Variants in AKAP6 observed in about 807,000 individuals in gnomAD.
AKAP6 encodes A-kinase anchor protein 6.
Under a neutral mutation model 188.5 loss-of-function variants are expected in AKAP6, and 58 were observed. That is an observed-to-expected ratio of 0.31 (90% confidence interval 0.25 to 0.38). The LOEUF is 0.38. Ranked by LOEUF, AKAP6 falls within the 10% of genes least tolerant of loss-of-function variation. AKAP6 has a pLI of 1.00. For missense variants in AKAP6, 2,710 were observed against 2,740.0 expected (o/e 0.99, Z 0.24); for synonymous variants, 989 against 998.6 (o/e 0.99, Z 0.18).
chr14:32,630,065 C>G lies in AKAP6; in HGVS notation c.2730+29273C>G, dbSNP rs148883409. ...TCTGTGTGGGATCTGGAAATGTATTCTGGTGTGTGAATTTTTCTTCTCCAG... is the reference window on the plus strand; with the variant it reads ...TCTGTGTGGGATCTGGAAATGTATTGTGGTGTGTGAATTTTTCTTCTCCAG... On this transcript the variant is annotated intron_variant, in intron 7 of 13. Transcript: ENST00000280979. Among the ~76,000 whole-genome samples, 86 of 152,202 alleles carry G rather than the reference C, an allele frequency of 5.7e-4. 1 individual carries two copies. The highest frequency in any genetic ancestry group is 2.3e-3 in the South Asian group (11 of 4,828).
At chr14:32,570,872 C>G (rs1419758321) in intron 4 of AKAP6, among the ~76,000 whole-genome samples, 1 of 152,168 alleles carries the variant, frequency 6.6e-6, no homozygotes, top group Admixed American at 6.6e-5. Flanking sequence ...TCTTCTGATT[C>G]CTGCAAGTGT....
At chr14:32,645,547 G>T (rs1397553104) in intron 7 of AKAP6, among the ~76,000 whole-genome samples, 1 of 152,148 alleles carries the variant, frequency 6.6e-6, no homozygotes, top group Non-Finnish European at 1.5e-5. Flanking sequence ...CTGCTGAGTA[G>T]CTGGGACTAC....
intron 1 of AKAP6, among the ~76,000 whole-genome samples, chr14:32,343,746 C>CAAAAAAAAAAAAAAAAA (rs56376110): frequency 8.1e-5 from 3 of 37,266 alleles, no homozygotes; most frequent in African/African-American, 1.9e-4. Context: ...GATTCCGTCT[C>CAAAAAAAAAAAAAAAAA]AAAAAAAAAA....
At chr14:32,797,623 G>A (rs1482823646) in intron 12 of AKAP6, among the ~76,000 whole-genome samples, 1 of 125,358 alleles carries the variant, frequency 8.0e-6, no homozygotes, top group Admixed American at 7.7e-5. Flanking sequence ...GCCTTTCAGA[G>A]GGCAGTGAGA....
chr14:32,815,631 C>G (rs2034357859), intron 12 of AKAP6, among the ~76,000 whole-genome samples: 3 of 152,126 alleles, frequency 2.0e-5, no homozygotes, highest in African/African-American at 7.2e-5. Flanking sequence ...CTTTCTTTGA[C>G]TCTTTGGTCG....
chr14:32,675,740 G>A (rs1275596012), intron 7 of AKAP6, among the ~76,000 whole-genome samples: 1 of 152,194 alleles, frequency 6.6e-6, no homozygotes, highest in Non-Finnish European at 1.5e-5. Flanking sequence ...ATGCTTGTGA[G>A]ATATTATGCA....
chr14:32,545,448 T>A lies in AKAP6; in HGVS notation c.795T>A (p.Phe265Leu). Residue 265 changes from phenylalanine to leucine, a missense_variant, in exon 4 of 14, where the codon TTT becomes TTA. Around this residue, in one of 2 missense-constraint regions of AKAP6, gnomAD observed 2,473 missense variants for 2,426.1 expected, o/e 1.02. Transcript: ENST00000280979. ...GCTACAGTGAGATGGAAAAGGAGTTTCCTGAGCTTATCCGAAGTGTTGGTT... is the reference window on the plus strand; with the variant it reads ...GCTACAGTGAGATGGAAAAGGAGTTACCTGAGCTTATCCGAAGTGTTGGTT... The part of the protein sequence containing the change: ...SWSYSEMEKE[F>L]PELIRSVGLL... 6.2e-7 allele frequency: 1 copy of A among 1,614,214 alleles called. No homozygotes were observed.
chr14:32,489,709 T>G (rs2138938979), intron 2 of AKAP6, among the ~76,000 whole-genome samples: 1 of 152,370 alleles, frequency 6.6e-6, no homozygotes, highest in Middle Eastern at 3.4e-3. Context: ...ATATACTTTT[T>G]GACTTAGTGA....
intron 1 of AKAP6, among the ~76,000 whole-genome samples, chr14:32,334,957 G>T (rs758887052): frequency 6.6e-6 from 1 of 152,092 alleles, no homozygotes; most frequent in Non-Finnish European, 1.5e-5. Flanking sequence ...TTTATTTTCA[G>T]ATTTTTTTTT....
chr14:32,647,258 T>A (rs2139515472), intron 7 of AKAP6, among the ~76,000 whole-genome samples: 1 of 152,270 alleles, frequency 6.6e-6, no homozygotes. Context: ...TGTGCAAATT[T>A]GAACCTCTGA....
At chr14:32,745,667 C>T (rs1454478302) in intron 11 of AKAP6, among the ~76,000 whole-genome samples, 1 of 152,146 alleles carries the variant, frequency 6.6e-6, no homozygotes, top group Non-Finnish European at 1.5e-5. Context: ...CAAACACTCC[C>T]TGGCTACTGC....
At chr14:32,334,018 T>G (rs1170884046) in intron 1 of AKAP6, among the ~76,000 whole-genome samples, 1 of 152,170 alleles carries the variant, frequency 6.6e-6, no homozygotes, top group Non-Finnish European at 1.5e-5. Flanking sequence ...ATCGCCCTAG[T>G]GTGCCTTACA....
At chr14:32,653,751 TA>T (rs1359888191) in intron 7 of AKAP6, among the ~76,000 whole-genome samples, 1 of 152,212 alleles carries the variant, frequency 6.6e-6, no homozygotes, top group Admixed American at 6.5e-5. Context: ...AAGTATTAAG[TA>T]ATAAGTTTGT....
chr14:32,406,556 G>T (rs78512703), intron 1 of AKAP6, among the ~76,000 whole-genome samples: 6,063 of 152,148 alleles, frequency 0.04, 186 homozygotes, highest in East Asian at 0.099. Context: ...AGAATTGGAG[G>T]CTTATATGTT....
chr14:32,734,582 A>G (rs1480776905), intron 10 of AKAP6: 2 of 152,152 alleles, frequency 1.3e-5, no homozygotes, highest in Non-Finnish European at 2.9e-5. Flanking sequence ...CCAGAACAAA[A>G]AAGTGGCAAT....
intron 7 of AKAP6, among the ~76,000 whole-genome samples, chr14:32,634,880 CT>C (rs563981061): frequency 1.3e-4 from 20 of 150,714 alleles, no homozygotes; most frequent in Admixed American, 3.3e-4. Context: ...GTTTTCTTTT[CT>C]TTTTTTTTAA....
At chr14:32,348,571 C>T (rs181541526) in intron 1 of AKAP6, among the ~76,000 whole-genome samples, 4 of 152,000 alleles carry the variant, frequency 2.6e-5, no homozygotes, top group Non-Finnish European at 2.9e-5. Flanking sequence ...TGCTCCACCA[C>T]GCATGCTAAT....
Position 32,823,089 on chromosome 14 carries a change from C to T in AKAP6, c.5276C>T (p.Ser1759Phe), listed in dbSNP as rs1263393200. Reference protein sequence around the residue: ...DEDDSDLLSSSTLTLTEEELC... With the variant: ...DEDDSDLLSSFTLTLTEEELC... Reference sequence around the variant, plus strand: ...GATGACAGCGACCTGCTCTCCAGCTCTACCCTTACCTTGACTGAAGAAGAG... The same window carrying T: ...GATGACAGCGACCTGCTCTCCAGCTTTACCCTTACCTTGACTGAAGAAGAG... Residue 1759 changes from serine (S) to phenylalanine (F), a missense_variant, in exon 13 of 14, where the codon TCT (serine) becomes TTT (phenylalanine). By Grantham distance (155) the Ser-to-Phe change is radical. Around this residue, in one of 2 missense-constraint regions of AKAP6, gnomAD observed 2,473 missense variants for 2,426.1 expected, o/e 1.02. Transcript: ENST00000280979. The T allele has an allele frequency of 6.2e-7, 1 of 1,613,808 alleles. No homozygotes were observed. The highest frequency in any genetic ancestry group is 8.5e-7 in the Non-Finnish European group (1 of 1,179,894).
chr14:32,373,863 C>T (rs1888083052), intron 1 of AKAP6, among the ~76,000 whole-genome samples: 1 of 152,178 alleles, frequency 6.6e-6, no homozygotes, highest in South Asian at 2.1e-4. Flanking sequence ...AACTTCTCCT[C>T]ACACGTAAAA....
Sources: allele counts gnomAD v4.1 joint callset (sites outside exome capture counted in the v4.1 genomes callset), GRCh38; gene constraint gnomAD v4.1.1; regional missense constraint gnomAD v4.1.1; transcripts MANE v1.5; gene names NCBI Gene and HGNC (gene_info 2026-07-23, HGNC 2026-07-21).